TPCN1: variants seen among roughly 807,000 people sequenced by gnomAD.
The protein encoded by TPCN1 is two pore segment channel 1.
Under a neutral mutation model 108.8 loss-of-function variants are expected in TPCN1, and 52 were observed. That is an observed-to-expected ratio of 0.48 (90% CI 0.38 to 0.60). TPCN1 has a LOEUF of 0.60. TPCN1 is among the 20% of genes least tolerant of loss of function. The pLI, the probability that TPCN1 is intolerant of heterozygous loss-of-function variation, is 0.00. For synonymous variants in TPCN1, 446 were observed against 433.7 expected (o/e 1.03, Z -0.35); for missense variants, 806 against 1,072.8 (o/e 0.75, Z 3.47).
intron 2 of TPCN1, among the ~76,000 whole-genome samples, chr12:113,230,707 T>C (rs907461566): frequency 1.3e-5 from 2 of 152,208 alleles, no homozygotes; most frequent in African/African-American, 2.4e-5. Flanking sequence ...CTATCCGCCT[T>C]GGCCTCCTGA....
chr12:113,234,126 G>A (rs1953796675), intron 2 of TPCN1, among the ~76,000 whole-genome samples: 1 of 152,160 alleles, frequency 6.6e-6, no homozygotes, highest in Non-Finnish European at 1.5e-5. Flanking sequence ...GTTTCATGGT[G>A]AAGCTGTGTT....
Position 113,288,792 on chromosome 12 carries a change from T to A in TPCN1, c.1741T>A (p.Phe581Ile), listed in dbSNP as rs1014777009. ...CACCCTGCTCATCTTTTACTACTCC[T>A]TCGCCATCGTGGGCATGGAGTTCTT... Reference protein sequence around the residue: ...GLTLLIFYYSFAIVGMEFFCG... With the variant: ...GLTLLIFYYSIAIVGMEFFCG... The change falls in exon 21 of 28, where the codon TTC becomes ATC. Residue 581 changes from phenylalanine to isoleucine, a missense_variant. Phe to Ile is a conservative substitution (Grantham distance 21). Transcript: ENST00000335509. This position sits in a 1 kb window ranked among gnomAD's most constrained non-coding sequence, Gnocchi z 4.8. The A allele has an allele frequency of 6.2e-7, 1 of 1,613,280 alleles. No homozygotes were observed. Among genetic ancestry groups the A allele is most frequent in the African/African-American group, 1.3e-5 (1 of 74,920 alleles).
chr12:113,223,840 G>A (rs990145449), intron 1 of TPCN1, among the ~76,000 whole-genome samples: 6 of 152,092 alleles, frequency 3.9e-5, no homozygotes, highest in Admixed American at 3.3e-4. Context: ...CACCACTCCC[G>A]GCTGCTCTGA....
At chr12:113,245,425 G>T (rs537768800) in intron 2 of TPCN1, among the ~76,000 whole-genome samples, 58 of 130,106 alleles carry the variant, frequency 4.5e-4, no homozygotes, top group African/African-American at 7.4e-4. Context: ...GTGAAACCCC[G>T]TCTCTACTAA....
At chr12:113,291,846 C>T (rs750943591) in intron 24 of TPCN1, 28 bp from the exon 25 acceptor site, 4 of 1,516,814 alleles carry the variant, frequency 2.6e-6, no homozygotes, top group African/African-American at 1.4e-5. Context: ...TCCCCTGCCT[C>T]TGCCCCTCCC....
Position 113,297,537 on chromosome 12 carries a change from C to G in TPCN1, c.*1461C>G, listed in dbSNP as rs1006436909. On this transcript the variant is annotated 3_prime_UTR_variant, in exon 28 of 28. Coordinates refer to ENST00000335509, the MANE Select transcript of TPCN1 (RefSeq NM_017901.6). The surrounding 1 kb of genome is among the most constrained non-coding windows in gnomAD (Gnocchi z 4.4). ...GGGAGCAGTACCTGGTCCCCCACCCCCTCCTCCCAACCACCTCCAAGGCCA... is the reference window on the plus strand; with the variant it reads ...GGGAGCAGTACCTGGTCCCCCACCCGCTCCTCCCAACCACCTCCAAGGCCA... 1 of 152,762 alleles carries G rather than the reference C, an allele frequency of 6.5e-6. No individual in the cohort carries two copies. The highest frequency in any genetic ancestry group is 1.5e-5 in the Non-Finnish European group (1 of 68,138). The allele number at this position is 152,762 out of a possible 1,614,324, so 9.5% of individuals were successfully genotyped here.
rs750650175 is a variant in TPCN1 at position 113,288,101 on chromosome 12, C to T, written c.1635-62C>T. ...GTGTGGAAGGCGGGGCCGGCATGTTCTGAGGGCGGGGGCTGAGGCGTGCAC... is the reference window on the plus strand; with the variant it reads ...GTGTGGAAGGCGGGGCCGGCATGTTTTGAGGGCGGGGGCTGAGGCGTGCAC... On this transcript the variant is annotated intron_variant, in intron 19 of 27. Coordinates refer to ENST00000335509, the MANE Select transcript of TPCN1 (RefSeq NM_017901.6). This position sits in a 1 kb window ranked among gnomAD's most constrained non-coding sequence, Gnocchi z 4.8. 1 of 1,513,676 alleles carries T rather than the reference C, an allele frequency of 6.6e-7. No individual in the cohort carries two copies. The highest frequency in any genetic ancestry group is 9.1e-7 in the Non-Finnish European group (1 of 1,104,804). The allele number at this position is 1,513,676 out of a possible 1,614,324, so 93.8% of individuals were successfully genotyped here.
At chr12:113,223,435 CTTTT>C (rs1172851714) in intron 1 of TPCN1, among the ~76,000 whole-genome samples, 5 of 120,286 alleles carry the variant, frequency 4.2e-5, no homozygotes, top group Admixed American at 1.7e-4. Flanking sequence ...TCTGCTGAGT[CTTTT>C]TTTTTTTTTT....
At chr12:113,236,803 T>C (rs1055712161) in intron 2 of TPCN1, among the ~76,000 whole-genome samples, 2 of 152,106 alleles carry the variant, frequency 1.3e-5, no homozygotes, top group African/African-American at 2.4e-5. Flanking sequence ...GTAACCTCTC[T>C]AAGCTTTGAT....
chr12:113,288,484 T>C lies in TPCN1; in HGVS notation c.1706+250T>C. The C allele has an allele frequency of 6.6e-7, 1 of 1,503,856 alleles. No individual in the cohort carries two copies. 93.2% of individuals were successfully genotyped at this position (1,503,856 alleles called of 1,614,324 possible). A position where few individuals can be genotyped will look rare whatever the true frequency, so the allele number is the denominator to read the frequency against. ...TGTCAACTCGCTTACCACCTGTGTC[T>C]ACATTCACAGGTAAGGGGTCACCTG... On this transcript the variant is annotated intron_variant, in intron 20 of 27. Transcript: ENST00000335509. This position sits in a 1 kb window ranked among gnomAD's most constrained non-coding sequence, Gnocchi z 4.8.
intron 3 of TPCN1, among the ~76,000 whole-genome samples, chr12:113,263,504 A>G (rs1035660405): frequency 6.6e-6 from 1 of 152,198 alleles, no homozygotes; most frequent in African/African-American, 2.4e-5. Context: ...CAAGTGATCC[A>G]CCTGCTTAAG....
At position 113,266,716 on chromosome 12, in the gene TPCN1, C is replaced by G. The variant is rs936534038; in HGVS notation, c.414+360C>G. ...AGGAGAAGGCAGTTCGGTGTGGTCA[C>G]CATGGGAGGTGGGGGATGTTTCCTG... On this transcript the variant is annotated intron_variant, in intron 4 of 27. Transcript: ENST00000335509. The surrounding 1 kb of genome is among the most constrained non-coding windows in gnomAD (Gnocchi z 4.2). Among the ~76,000 whole-genome samples the G allele has an allele frequency of 1.3e-5, 2 of 152,168 alleles. No individual in the cohort carries two copies. Among genetic ancestry groups the G allele is most frequent in the African/African-American group, 4.8e-5 (2 of 41,434 alleles).
rs779409400 is a variant in TPCN1 at position 113,267,848 on chromosome 12, C to T, written c.420C>T (p.His140=). Residue 140 remains histidine (H), a synonymous_variant, in exon 5 of 28, where the codon CAC becomes CAT. Transcript: ENST00000335509. Reference sequence around the variant, plus strand: ...TCCACACCCTCTGGTCTCAGGTCCACGCCACCCTGGAGCTGTTTGCCCTGA... The same window carrying T: ...TCCACACCCTCTGGTCTCAGGTCCATGCCACCCTGGAGCTGTTTGCCCTGA... ...VPALRLGIYV[H]ATLELFALMV... 26 of 1,612,772 alleles carry T rather than the reference C, an allele frequency of 1.6e-5. No individual in the cohort carries two copies. Among genetic ancestry groups the T allele is most frequent in the Middle Eastern group, 1.6e-4 (1 of 6,080 alleles).
At chr12:113,285,866 C>T (rs1322775903) in intron 17 of TPCN1, 23 bp from the exon 18 acceptor site, 12 of 1,609,834 alleles carry the variant, frequency 7.5e-6, no homozygotes, top group African/African-American at 1.3e-5. Context: ...GGGCTGCTGC[C>T]GATGGATTCC....
At chr12:113,256,082 C>G (rs957332482) in intron 2 of TPCN1, among the ~76,000 whole-genome samples, 2 of 152,082 alleles carry the variant, frequency 1.3e-5, no homozygotes, top group African/African-American at 4.8e-5. Flanking sequence ...CTCAGCCTCC[C>G]AAAGTGCTGG....
intron 2 of TPCN1, among the ~76,000 whole-genome samples, chr12:113,233,158 C>T (rs931717871): frequency 2.0e-5 from 3 of 152,224 alleles, no homozygotes; most frequent in Admixed American, 1.3e-4. Context: ...GGGATCCTGT[C>T]TGTTGCCTCA....
rs906728846 is a variant in TPCN1 at position 113,232,298 on chromosome 12, C to G, written c.112+5334C>G. On this transcript the variant is annotated intron_variant, in intron 2 of 27. Coordinates refer to ENST00000335509, the MANE Select transcript of TPCN1 (RefSeq NM_017901.6). This position sits in a 1 kb window ranked among gnomAD's most constrained non-coding sequence, Gnocchi z 5.6. ...TGCAGCCTCAGCAATGTGGAGGATC[C>G]CTGCCCCCTGGCAGGGGCCCCCATG... Among the ~76,000 whole-genome samples the G allele has an allele frequency of 1.3e-5, 2 of 152,226 alleles. No individual in the cohort carries two copies. Among genetic ancestry groups the G allele is most frequent in the African/African-American group, 2.4e-5 (1 of 41,446 alleles).
At chr12:113,240,004 T>A (rs781343379) in intron 2 of TPCN1, among the ~76,000 whole-genome samples, 6 of 152,090 alleles carry the variant, frequency 3.9e-5, no homozygotes, top group Non-Finnish European at 1.5e-5. Context: ...TCGACAAGCA[T>A]GATGTCTTCT....
chr12:113,284,379 T>A lies in TPCN1; in HGVS notation c.1343-202T>A, dbSNP rs1955993011. On this transcript the variant is annotated intron_variant, in intron 15 of 27. Coordinates refer to ENST00000335509, the MANE Select transcript of TPCN1 (RefSeq NM_017901.6). The surrounding 1 kb of genome is among the most constrained non-coding windows in gnomAD (Gnocchi z 4.1). ...GTTTTTAGAAATTTATAGCTGTTTC[T>A]AGGTGAAAACACTGGTTGATTTAGC... Among the ~76,000 whole-genome samples, 1 of 152,210 alleles carries A rather than the reference T, an allele frequency of 6.6e-6. No individual in the cohort carries two copies. Among genetic ancestry groups the A allele is most frequent in the Admixed American group, 6.5e-5 (1 of 15,282 alleles).
Sources: gnomAD v4.1 joint callset for allele counts (sites outside exome capture counted in the v4.1 genomes callset) on GRCh38, gnomAD v4.1.1 for gene constraint, Gnocchi (gnomAD v3.1) non-coding constraint, MANE v1.5 for transcripts, NCBI Gene and HGNC (gene_info 2026-07-23, HGNC 2026-07-21) for gene names.